The following GABRG1 variants were observed in gnomAD, a reference collection of about 807,000 sequenced individuals.
GABRG1 encodes gamma-aminobutyric acid receptor subunit gamma-1.
In GABRG1, 49 loss-of-function variants were observed where a neutral mutation model predicts 49.8. The ratio of observed to expected loss-of-function variants is 0.98; its 90% confidence interval spans 0.78 to 1.25. The LOEUF (loss-of-function observed/expected upper bound fraction) is 1.25, where lower values mean the gene tolerates loss of function less well. Among genes scored for constraint, GABRG1 ranks in the 50% most tolerant of loss-of-function variants. The pLI is 0.00. For missense variants in GABRG1, 552 were observed against 552.3 expected, an observed-to-expected ratio of 1.00 and a Z score of 0.01; for synonymous variants, 232 against 185.1, an observed-to-expected ratio of 1.25 and a Z score of -2.06.
chr4:46,072,823 A>G (rs1719181257), intron 3 of GABRG1, among the ~76,000 whole-genome samples: 1 of 149,652 alleles, frequency 6.7e-6, no homozygotes, highest in South Asian at 2.1e-4. Flanking sequence ...TAAGTGAGAT[A>G]TAATAGAAGT....
intron 8 of GABRG1, among the ~76,000 whole-genome samples, chr4:46,046,246 G>C (rs770793078): frequency 5.9e-5 from 9 of 151,958 alleles, no homozygotes; most frequent in Non-Finnish European, 1.2e-4. Flanking sequence ...TGCTGTGATA[G>C]TCTATGATGT....
chr4:46,049,328 A>G (rs1038605790), intron 8 of GABRG1, among the ~76,000 whole-genome samples: 1 of 151,886 alleles, frequency 6.6e-6, no homozygotes, highest in Non-Finnish European at 1.5e-5. Context: ...GCAAGACCAT[A>G]TGGCTGTACA....
intron 8 of GABRG1, among the ~76,000 whole-genome samples, chr4:46,048,420 A>AAGGAAGGAAGGAAGGT (rs1166849684): frequency 2.9e-5 from 4 of 139,922 alleles, no homozygotes; most frequent in Admixed American, 1.4e-4. Context: ...GGAAGGAAGG[A>AAGGAAGGAAGGAAGGT]AGGTTCTTCC....
intron 2 of GABRG1, among the ~76,000 whole-genome samples, chr4:46,096,011 G>C (rs1394814309): frequency 6.6e-6 from 1 of 151,690 alleles, no homozygotes; most frequent in Non-Finnish European, 1.5e-5. Flanking sequence ...CTTTCTTAGT[G>C]TTCATGAATT....
Position 46,041,270 on chromosome 4 carries a change from A to C in GABRG1, c.1132-16T>G, listed in dbSNP as rs758945571. The C allele has an allele frequency of 6.2e-7, 1 of 1,605,202 alleles. No individual in the cohort carries two copies. The highest frequency in any genetic ancestry group is 8.5e-7 in the Non-Finnish European group (1 of 1,174,756). On this transcript the variant is annotated splice_polypyrimidine_tract_variant and intron_variant, in intron 8 of 8. Transcript: ENST00000295452. ...CAGGAGTCATCTGAGCACAATAATA[A>C]ATGAATTTTTGACATCAAAAAAGTA...
chr4:46,073,479 A>T (rs887039385), intron 3 of GABRG1, among the ~76,000 whole-genome samples: 1 of 152,188 alleles, frequency 6.6e-6, no homozygotes, highest in Middle Eastern at 3.4e-3. Flanking sequence ...CACTTATTTC[A>T]TACTTACCTT....
intron 1 of GABRG1, among the ~76,000 whole-genome samples, chr4:46,119,415 T>C (rs1348226553): frequency 2.0e-5 from 3 of 151,488 alleles, no homozygotes; most frequent in Non-Finnish European, 4.4e-5. Context: ...GGATTTAAGT[T>C]TCGGTTTCAG....
chr4:46,065,859 A>G lies in GABRG1; in HGVS notation c.322-275T>C, dbSNP rs994210290. ...TGCCTCAGCCTCCGGAGGAGCTGGG[A>G]CAACAGGCACCCGCCACCACGCCTG... On this transcript the variant is annotated intron_variant, in intron 3 of 8. Transcript: ENST00000295452. Among the ~76,000 whole-genome samples, 4 of 152,202 alleles carry G rather than the reference A, an allele frequency of 2.6e-5. No individual in the cohort carries two copies. In the South Asian group the frequency reaches 8.3e-4, roughly 32 times the overall value.
chr4:46,096,226 C>G (rs1720158476), intron 2 of GABRG1, among the ~76,000 whole-genome samples: 2 of 151,094 alleles, frequency 1.3e-5, no homozygotes, highest in African/African-American at 4.9e-5. Context: ...AATAAAAAAG[C>G]AAAGGAGAAG....
In GABRG1 at chr4:46,097,201, C is replaced by G. The variant is rs753951429; in HGVS notation, c.253G>C (p.Val85Leu). The G allele has an allele frequency of 1.3e-6, 2 of 1,598,144 alleles. No individual in the cohort carries two copies. Among genetic ancestry groups the G allele is most frequent in the Non-Finnish European group, 1.7e-6 (2 of 1,172,974 alleles). Residue 85 changes from valine to leucine, a missense_variant and splice_region_variant, in exon 2 of 9, where the codon GTG (valine) becomes CTG (leucine). Physicochemically the swap from Val to Leu is conservative, Grantham distance 32 (BLOSUM62 1). Transcript: ENST00000295452. The part of the protein sequence containing the change: ...YDNKLRPDIG[V>L]RPTVIETDVY... ...TCCCAGAATGGTAACTCAAGCTTAC[C>G]TCCTATATCTGGACGAAGTTTATTG... is the stretch of plus-strand genomic sequence containing the variant.
In GABRG1 at chr4:46,055,075, T is replaced by C. The variant is rs1403455189; in HGVS notation, c.916+3142A>G. Reference sequence around the variant, plus strand: ...TTCATGTCCAAAACACCAAAAGCAATGGCAACAAAAGCCAAAATTGACAAA... The same window carrying C: ...TTCATGTCCAAAACACCAAAAGCAACGGCAACAAAAGCCAAAATTGACAAA... On this transcript the variant is annotated intron_variant, in intron 7 of 8. Coordinates refer to ENST00000295452, the MANE Select transcript of GABRG1 (RefSeq NM_173536.4). Among the ~76,000 whole-genome samples, 3 of 65,554 alleles carry C rather than the reference T, an allele frequency of 4.6e-5. No individual in the cohort carries two copies. In the East Asian group the frequency reaches 1.1e-3, roughly 24 times the overall value. 43.0% of individuals were successfully genotyped at this position (65,554 alleles called of 152,430 possible).
chr4:46,117,803 T>C (rs1229026510), intron 1 of GABRG1, among the ~76,000 whole-genome samples: 1 of 132,500 alleles, frequency 7.5e-6, no homozygotes. Context: ...TATATACATA[T>C]GTATACATGT....
At chr4:46,091,803 T>C (rs1719999838) in intron 2 of GABRG1, among the ~76,000 whole-genome samples, 1 of 152,008 alleles carries the variant, frequency 6.6e-6, no homozygotes, top group African/African-American at 2.4e-5. Flanking sequence ...GCAGCTATGT[T>C]TCAACCCACA....
intron 1 of GABRG1, among the ~76,000 whole-genome samples, chr4:46,117,637 C>CATAT (rs1322007200): frequency 4.7e-5 from 6 of 128,848 alleles, no homozygotes; most frequent in Admixed American, 3.2e-4. Context: ...CATATGTATA[C>CATAT]ATATATACAT....
chr4:46,096,393 C>T (rs958949399), intron 2 of GABRG1, among the ~76,000 whole-genome samples: 1 of 151,648 alleles, frequency 6.6e-6, no homozygotes, highest in Middle Eastern at 3.4e-3. Flanking sequence ...AGAACAAAAA[C>T]AGGAAGCTTC....
chr4:46,086,152 A>C (rs1381086623), intron 2 of GABRG1, among the ~76,000 whole-genome samples: 2 of 151,596 alleles, frequency 1.3e-5, no homozygotes, highest in African/African-American at 4.8e-5. Flanking sequence ...TATTTTAAGT[A>C]CTTTGCTTTA....
At chr4:46,075,104 A>G (rs1369256045) in intron 3 of GABRG1, among the ~76,000 whole-genome samples, 1 of 151,836 alleles carries the variant, frequency 6.6e-6, no homozygotes, top group Admixed American at 6.6e-5. Flanking sequence ...TCCTACCTAT[A>G]AGGAGGGATA....
At chr4:46,088,451 C>A (rs1366467492) in intron 2 of GABRG1, among the ~76,000 whole-genome samples, 1 of 151,860 alleles carries the variant, frequency 6.6e-6, no homozygotes, top group Admixed American at 6.6e-5. Flanking sequence ...TTATTTTGTT[C>A]TGACTTTTAC....
intron 2 of GABRG1, among the ~76,000 whole-genome samples, chr4:46,088,815 T>TTGTGTGTGTGTGTG (rs3069486): frequency 6.3e-4 from 83 of 131,676 alleles, no homozygotes; most frequent in African/African-American, 2.3e-3. Flanking sequence ...TTGTGTGTGT[T>TTGTGTGTGTGTGTG]TGTGTGTGTG....
Sources: gnomAD v4.1 joint callset for allele counts (sites outside exome capture counted in the v4.1 genomes callset) on GRCh38, gnomAD v4.1.1 for gene constraint, MANE v1.5 for transcripts, NCBI Gene and HGNC (gene_info 2026-07-23, HGNC 2026-07-21) for gene names.